The following DAB1 variants were observed in gnomAD, a reference collection of about 807,000 sequenced individuals.
The protein encoded by DAB1 is disabled homolog 1.
In DAB1, 15 loss-of-function variants were observed where a neutral mutation model predicts 64.6. That is an observed-to-expected ratio of 0.23 (90% CI 0.16 to 0.36). The LOEUF (loss-of-function observed/expected upper bound fraction) is 0.36. DAB1 is among the 10% of genes least tolerant of loss of function. The pLI is 1.00. For synonymous variants in DAB1, 235 were observed against 251.9 expected (o/e 0.93, Z 0.64); for missense variants, 596 against 706.7 (o/e 0.84, Z 1.78).
chr1:57,644,680 T>C (rs1403562433), intron 7 of DAB1, among the ~76,000 whole-genome samples: 1 of 151,020 alleles, frequency 6.6e-6, no homozygotes, highest in Non-Finnish European at 1.5e-5. Context: ...ATAATATATA[T>C]ATATTTTATA....
chr1:57,130,902 A>G (rs1166127347), intron 4 of DAB1, among the ~76,000 whole-genome samples: 3 of 152,244 alleles, frequency 2.0e-5, no homozygotes, highest in Non-Finnish European at 1.5e-5. Context: ...AGCTTTTTAA[A>G]TTCACATAAT....
chr1:57,057,773 A>C (rs1193288937), intron 9 of DAB1, among the ~76,000 whole-genome samples: 2 of 42,646 alleles, frequency 4.7e-5, no homozygotes, highest in Admixed American at 2.8e-4. Flanking sequence ...ATGCCTGGCT[A>C]ATTTTTTTGT....
chr1:57,258,225 C>A (rs1669910740), intron 2 of DAB1, among the ~76,000 whole-genome samples: 1 of 152,122 alleles, frequency 6.6e-6, no homozygotes, highest in Non-Finnish European at 1.5e-5. Flanking sequence ...GGGACGCAAG[C>A]ATTAGTATGC....
rs576076775 is a variant in DAB1 at position 57,961,260 on chromosome 1, G to A, written n.388-77098C>T. Among the ~76,000 whole-genome samples the A allele has an allele frequency of 4.6e-5, 7 of 152,256 alleles. No individual in the cohort carries two copies. In the East Asian group the frequency reaches 1.4e-3, roughly 29 times the overall value. On this transcript the variant is annotated intron_variant and non_coding_transcript_variant, in intron 5 of 20. Transcript: ENST00000485760. ...ACATTTGTATATAGGTAATATGTAT[G>A]TGTCTACATATACATATAATAATAT...
chr1:58,265,119 T>G (rs992014554), intron 4 of DAB1, among the ~76,000 whole-genome samples: 1 of 152,164 alleles, frequency 6.6e-6, no homozygotes, highest in Non-Finnish European at 1.5e-5. Context: ...TGAGTAGAGC[T>G]AGGAGAGGGC....
At chr1:57,946,821 C>T (rs1273159670) in intron 5 of DAB1, among the ~76,000 whole-genome samples, 3 of 152,190 alleles carry the variant, frequency 2.0e-5, no homozygotes, top group African/African-American at 4.8e-5. Context: ...CTTTAATACA[C>T]TTTCCTCAAG....
intron 6 of DAB1, among the ~76,000 whole-genome samples, chr1:57,720,648 A>G (rs531961148): frequency 6.6e-6 from 1 of 152,336 alleles, no homozygotes; most frequent in Non-Finnish European, 1.5e-5. Flanking sequence ...TGTTGTAGTG[A>G]GGCATAAGAT....
intron 4 of DAB1, among the ~76,000 whole-genome samples, chr1:57,130,029 A>C (rs959617868): frequency 6.6e-6 from 1 of 151,798 alleles, no homozygotes; most frequent in Non-Finnish European, 1.5e-5. Context: ...TAAATGATCC[A>C]GGGTACCTTG....
intron 4 of DAB1, among the ~76,000 whole-genome samples, chr1:57,115,150 G>C (rs1415612879): frequency 6.6e-6 from 1 of 152,134 alleles, no homozygotes; most frequent in Non-Finnish European, 1.5e-5. Flanking sequence ...ATTTACTGCA[G>C]GACTTAGATA....
chr1:57,618,714 A>G (rs765587002), intron 7 of DAB1, among the ~76,000 whole-genome samples: 12 of 149,718 alleles, frequency 8.0e-5, no homozygotes, highest in Non-Finnish European at 1.6e-4. Context: ...AAGAATATTA[A>G]CAGCTATTAC....
chr1:58,115,782 G>C (rs1396287669), intron 5 of DAB1, among the ~76,000 whole-genome samples: 13 of 112,740 alleles, frequency 1.2e-4, no homozygotes, highest in African/African-American at 4.5e-4. Flanking sequence ...GGTGGGAATT[G>C]AACAATGAGA....
chr1:57,893,694 A>G (rs901946150), intron 5 of DAB1, among the ~76,000 whole-genome samples: 1 of 152,206 alleles, frequency 6.6e-6, no homozygotes, highest in Non-Finnish European at 1.5e-5. Flanking sequence ...AGACATAAAC[A>G]GGGCAGGAAA....
intron 3 of DAB1, among the ~76,000 whole-genome samples, chr1:58,479,525 T>G (rs575130500): frequency 6.6e-6 from 1 of 152,042 alleles, no homozygotes; most frequent in African/African-American, 2.4e-5. Flanking sequence ...GGGGGAGAGG[T>G]TCTACTCTCC....
intron 4 of DAB1, among the ~76,000 whole-genome samples, chr1:57,121,830 G>A (rs1251411778): frequency 6.6e-6 from 1 of 151,966 alleles, no homozygotes; most frequent in Non-Finnish European, 1.5e-5. Flanking sequence ...GTTAGTAGGT[G>A]CAGCAAACCA....
intron 6 of DAB1, among the ~76,000 whole-genome samples, chr1:57,695,726 C>A (rs186871310): frequency 6.6e-6 from 1 of 152,082 alleles, no homozygotes; most frequent in Non-Finnish European, 1.5e-5. Flanking sequence ...TAGTGAAACC[C>A]CTGTCTCTAC....
intron 5 of DAB1, among the ~76,000 whole-genome samples, chr1:57,905,172 T>G (rs1644532383): frequency 6.6e-6 from 1 of 151,776 alleles, no homozygotes; most frequent in South Asian, 2.1e-4. Flanking sequence ...AACTAATAGG[T>G]GTTGAGGCTA....
chr1:57,518,069 TTA>T (rs1644483357), intron 7 of DAB1, among the ~76,000 whole-genome samples: 1 of 152,204 alleles, frequency 6.6e-6, no homozygotes. Flanking sequence ...TTTGACTCCT[TTA>T]TATCTTGATT....
chr1:57,226,672 A>ATATATATATATATATATATAT (rs1553158266), intron 2 of DAB1, among the ~76,000 whole-genome samples: 1 of 136,016 alleles, frequency 7.4e-6, no homozygotes, highest in African/African-American at 3.1e-5. Context: ...TTAAAAAAAA[A>ATATATATATATATATATATAT]ATATATATAT....
chr1:57,753,000 T>A (rs1648624949), intron 6 of DAB1, among the ~76,000 whole-genome samples: 1 of 152,194 alleles, frequency 6.6e-6, no homozygotes, highest in Non-Finnish European at 1.5e-5. Context: ...AAAGGGTAAT[T>A]CATGAAGTTG....
Sources: allele counts gnomAD v4.1 joint callset (sites outside exome capture counted in the v4.1 genomes callset), GRCh38; gene constraint gnomAD v4.1.1; transcripts MANE v1.5; gene names NCBI Gene and HGNC (gene_info 2026-07-23, HGNC 2026-07-21).